The following MYO7A variants were observed in gnomAD, a reference collection of about 807,000 sequenced individuals.
MYO7A encodes myosin VIIA.
In MYO7A, 210 loss-of-function variants were observed where a neutral mutation model predicts 263.8. The observed-to-expected ratio is 0.80, with a 90% confidence interval of 0.71 to 0.89. The LOEUF (loss-of-function observed/expected upper bound fraction) is 0.89, where lower values mean the gene tolerates loss of function less well. Ranked by LOEUF, MYO7A falls within the 40% of genes least tolerant of loss-of-function variation. The probability of loss-of-function intolerance (pLI) is 0.00; values close to 1 mark genes in which losing one functional copy is unlikely to be tolerated. For missense variants in MYO7A, 2,820 were observed against 2,968.3 expected, an observed-to-expected ratio of 0.95 and a Z score of 1.16; for synonymous variants, 1,239 against 1,197.3, an observed-to-expected ratio of 1.03 and a Z score of -0.72.
rs765073964 is a variant in MYO7A, at chr11:77,214,677, G to A, written c.6629G>A (p.Gly2210Asp). ...QMLTAMSKQRGSRSGK is the reference protein window; with the variant it reads ...QMLTAMSKQRDSRSGK ...CTCACAGCCATGAGCAAACAGCGGG[G>A]CTCCAGGAGCGGCAAGTGAACAGTC... Residue 2210 changes from glycine (G) to aspartate (D), a missense_variant, in exon 49 of 49, where the codon GGC becomes GAC. Coordinates refer to ENST00000409709, the MANE Select transcript of MYO7A (RefSeq NM_000260.4). 3.8e-6 allele frequency: 6 copies of A among 1,581,562 alleles called. No individual in the cohort carries two copies. In the Admixed American group the frequency reaches 7.3e-5, roughly 19 times the overall value.
chr11:77,143,752 ACT>A (rs1300095214), intron 3 of MYO7A, among the ~76,000 whole-genome samples: 1 of 152,138 alleles, frequency 6.6e-6, no homozygotes, highest in Admixed American at 6.5e-5. Flanking sequence ...ACAGAATTGG[ACT>A]GAGTCCCTCT....
At chr11:77,146,691 G>A (rs1353642280) in intron 3 of MYO7A, among the ~76,000 whole-genome samples, 3 of 152,098 alleles carry the variant, frequency 2.0e-5, no homozygotes, top group Non-Finnish European at 4.4e-5. Flanking sequence ...TCTGCTCAGC[G>A]AGTCTCAGGG....
At position 77,174,881 on chromosome 11, in the gene MYO7A, G is replaced by A; in HGVS notation, c.2061G>A (p.Val687=). 1.2e-6 allele frequency: 2 copies of A among 1,613,716 alleles called. No homozygotes were observed. Among genetic ancestry groups the A allele is most frequent in the Non-Finnish European group, 1.7e-6 (2 of 1,179,872 alleles). Reference sequence around the variant, plus strand: ...TAGAGTTTGTGGAGCGGTACCGTGTGCTGCTGCCAGGTGTGAAGCCGGCCT... The same window carrying A: ...TAGAGTTTGTGGAGCGGTACCGTGTACTGCTGCCAGGTGTGAAGCCGGCCT... ...SFVEFVERYR[V]LLPGVKPAYK... is the part of the protein sequence containing the mutation. Residue 687 remains valine, a synonymous_variant, in exon 17 of 49, where the codon GTG becomes GTA. Coordinates refer to ENST00000409709, the MANE Select transcript of MYO7A (RefSeq NM_000260.4).
intron 21 of MYO7A, 89 bp downstream of exon 21, chr11:77,180,042 G>A (rs1955045427): frequency 1.5e-6 from 2 of 1,341,318 alleles, no homozygotes; most frequent in Admixed American, 2.3e-5. Context: ...CAGGAAGTGG[G>A]ACCTATAGGG....
chr11:77,179,099 G>A lies in MYO7A; in HGVS notation c.2337G>A (p.Arg779=), dbSNP rs782077299. ...NAATLIQRHW[R]GHNCRKNYGL... ...CCACACTGATCCAGAGGCACTGGCGGGGTCACAACTGTAGGAAGAACTACG... is the reference window on the plus strand; with the variant it reads ...CCACACTGATCCAGAGGCACTGGCGAGGTCACAACTGTAGGAAGAACTACG... Residue 779 remains arginine, a synonymous_variant, in exon 20 of 49, where the codon CGG becomes CGA. Coordinates refer to ENST00000409709, the MANE Select transcript of MYO7A (RefSeq NM_000260.4). 16 of 1,606,962 alleles carry A rather than the reference G, an allele frequency of 1.0e-5. 1 individual carries two copies. The East Asian group carries it at 2.5e-4, about 25-fold the overall frequency.
At chr11:77,132,112 C>G (rs1950782531) in intron 2 of MYO7A, among the ~76,000 whole-genome samples, 1 of 151,962 alleles carries the variant, frequency 6.6e-6, no homozygotes, top group African/African-American at 2.4e-5. Context: ...CCTGCCACAT[C>G]CTTCCCGGTC....
intron 35 of MYO7A, among the ~76,000 whole-genome samples, chr11:77,200,905 A>G (rs1056694739): frequency 2.6e-5 from 4 of 151,934 alleles, no homozygotes; most frequent in African/African-American, 9.7e-5. Context: ...AAAGACAAAG[A>G]TGAAATGGAC....
chr11:77,133,548 A>G lies in MYO7A; in HGVS notation c.18+2896A>G, dbSNP rs577079251. On this transcript the variant is annotated intron_variant, in intron 2 of 48. Coordinates refer to ENST00000409709, the MANE Select transcript of MYO7A (RefSeq NM_000260.4). ...TCATCTCAACTGTCTTTTGGTTACT[A>G]TTTGCATGGAATACTATTTGCATGA... is the stretch of plus-strand genomic sequence containing the variant. 2.0e-5 allele frequency among the ~76,000 whole-genome samples: 3 copies of G among 152,302 alleles called. No homozygotes were observed. In the South Asian group the frequency reaches 6.2e-4, roughly 32 times the overall value.
In MYO7A at chr11:77,208,719, C is replaced by T; in HGVS notation, c.5967C>T (p.Tyr1989=). 1 of 1,586,826 alleles carries T rather than the reference C, an allele frequency of 6.3e-7. No homozygotes were observed. The highest frequency in any genetic ancestry group is 8.6e-7 in the Non-Finnish European group (1 of 1,166,242). The change falls in exon 44 of 49, where the codon TAC becomes TAT. Residue 1989 remains tyrosine (Y), a synonymous_variant. Transcript: ENST00000409709. ...CAGGAATTGTGCCCTCACTCACCTA[C>T]CAGGTGTTCTTCATGAAGAAGCTGT... is the stretch of plus-strand genomic sequence containing the variant. The part of the protein sequence containing the change: ...IKDGIVPSLT[Y]QVFFMKKLWT...
chr11:77,211,191 C>T lies in MYO7A; in HGVS notation c.6091C>T (p.Arg2031Trp), dbSNP rs369460086. The change falls in exon 45 of 49, where the codon CGG becomes TGG. Residue 2031 changes from arginine to tryptophan, a missense_variant. Arg to Trp is a moderately radical substitution (Grantham distance 101, BLOSUM62 -3). Transcript: ENST00000409709. ...TCTCCGAGGCTACCACAAGTGCACG[C>T]GGGAGGAGGTGCTGCAGCTGGGGGC... ...KYLRGYHKCT[R>W]EEVLQLGALI... The T allele has an allele frequency of 7.1e-5, 113 of 1,592,862 alleles. No homozygotes were observed. Among genetic ancestry groups the T allele is most frequent in the African/African-American group, 2.3e-4 (17 of 74,648 alleles).
At chr11:77,205,188 T>G (rs1957359892) in intron 39 of MYO7A, among the ~76,000 whole-genome samples, 1 of 152,230 alleles carries the variant, frequency 6.6e-6, no homozygotes, top group Admixed American at 6.5e-5. Context: ...CTTTTCATTG[T>G]GGCATAAGCC....
chr11:77,175,131 C>T (rs781593751), intron 17 of MYO7A, among the ~76,000 whole-genome samples: 5 of 152,204 alleles, frequency 3.3e-5, no homozygotes, highest in Admixed American at 6.5e-5. Flanking sequence ...GTGTAAGGAA[C>T]AAGACCAGGG....
At chr11:77,131,609 G>A (rs1555046076) in intron 2 of MYO7A, among the ~76,000 whole-genome samples, 1 of 152,198 alleles carries the variant, frequency 6.6e-6, no homozygotes, top group African/African-American at 2.4e-5. Context: ...GTGTGCCAGG[G>A]CCTGGGCCCC....
intron 31 of MYO7A, among the ~76,000 whole-genome samples, chr11:77,193,036 G>T (rs1218370686): frequency 1.6e-5 from 2 of 128,100 alleles, no homozygotes; most frequent in African/African-American, 6.4e-5. Flanking sequence ...TGGTGTTGTT[G>T]GTGATGGTGG....
Position 77,213,052 on chromosome 11 carries a change from C to T in MYO7A, c.6438+17C>T. 6.4e-7 allele frequency: 1 copy of T among 1,557,592 alleles called. No individual in the cohort carries two copies. The highest frequency in any genetic ancestry group is 8.7e-7 in the Non-Finnish European group (1 of 1,148,682). On this transcript the variant is annotated intron_variant, in intron 47 of 48. Coordinates refer to ENST00000409709, the MANE Select transcript of MYO7A (RefSeq NM_000260.4). ...AAAACGAAGGTGAGCAGGGATAAGG[C>T]AGCAAGTGGGGGCGGGCTTCTCTGC...
At chr11:77,136,231 C>T (rs902275416) in intron 2 of MYO7A, among the ~76,000 whole-genome samples, 4 of 152,200 alleles carry the variant, frequency 2.6e-5, no homozygotes, top group Non-Finnish European at 4.4e-5. Flanking sequence ...GCCCTCTGGC[C>T]GCCGTGGTTT....
chr11:77,189,966 CA>C, intron 28 of MYO7A, 53 bp from the exon 29 acceptor site: 1 of 1,464,938 alleles, frequency 6.8e-7, no homozygotes, highest in African/African-American at 1.4e-5. Flanking sequence ...CGGCTGCCCT[CA>C]AAATCCACAT....
intron 2 of MYO7A, chr11:77,142,422 G>T (rs1555051137): frequency 1.8e-5 from 6 of 326,130 alleles, no homozygotes; most frequent in African/African-American, 2.5e-5. Context: ...TAGATCCATG[G>T]GGAGAGCTGG....
rs543512818 is a variant in MYO7A, at chr11:77,192,092, C to T, written c.3966C>T (p.Ala1322=). 6.8e-6 allele frequency: 11 copies of T among 1,613,820 alleles called. No homozygotes were observed. Among genetic ancestry groups the T allele is most frequent in the Non-Finnish European group, 8.5e-6 (10 of 1,179,882 alleles). ...LGSGSDHVMD[A]ISQCEQYAKE... The stretch of plus-strand genomic sequence containing the variant: ...GCGGCAGTGACCACGTCATGGACGC[C>T]ATCTCCCAGTGCGAGCAGTACGCCA... Residue 1322 remains alanine, a synonymous_variant, in exon 31 of 49, where the codon GCC becomes GCT. Coordinates refer to ENST00000409709, the MANE Select transcript of MYO7A (RefSeq NM_000260.4).
Sources: gnomAD v4.1 joint callset for allele counts (sites outside exome capture counted in the v4.1 genomes callset) on GRCh38, gnomAD v4.1.1 for gene constraint, MANE v1.5 for transcripts, NCBI Gene and HGNC (gene_info 2026-07-23, HGNC 2026-07-21) for gene names.